PPP1R9A: variants seen among roughly 807,000 people sequenced by gnomAD.
The protein encoded by PPP1R9A is neurabin-1.
PPP1R9A carries 59 observed loss-of-function variants against 141.9 expected under a neutral mutation model. The observed-to-expected ratio is 0.42, with a 90% CI of 0.34 to 0.52. The LOEUF is 0.52. Ranked by LOEUF, PPP1R9A falls within the 20% of genes least tolerant of loss-of-function variation. PPP1R9A has a pLI of 0.10. For missense variants in PPP1R9A, 1,444 were observed against 1,611.9 expected (o/e 0.90, Z 1.78); for synonymous variants, 500 against 569.7 (o/e 0.88, Z 1.74).
chr7:95,076,765 G>C (rs1229193242), intron 2 of PPP1R9A, among the ~76,000 whole-genome samples: 3 of 151,784 alleles, frequency 2.0e-5, no homozygotes, highest in African/African-American at 7.3e-5. Flanking sequence ...TAATTCCTGA[G>C]GTAATCAGAA....
rs1806249417 is a variant in PPP1R9A at position 95,290,784 on chromosome 7, T to C, written c.*481T>C. On this transcript the variant is annotated 3_prime_UTR_variant, in exon 20 of 20. Transcript: ENST00000433360. ...TAACTTCTAGGACTGCAACACCTAC[T>C]CCAATGTGTGGGAAAGATTTGCTCT... 6.2e-6 allele frequency: 1 copy of C among 161,804 alleles called. No homozygotes were observed. The highest frequency in any genetic ancestry group is 1.4e-5 in the Non-Finnish European group (1 of 73,362). 10.0% of individuals were successfully genotyped at this position (161,804 alleles called of 1,614,324 possible). A position where few individuals can be genotyped will look rare whatever the true frequency, so the allele number is the denominator to read the frequency against.
At chr7:95,038,170 G>C (rs915063023) in intron 2 of PPP1R9A, among the ~76,000 whole-genome samples, 3 of 151,742 alleles carry the variant, frequency 2.0e-5, no homozygotes, top group Admixed American at 6.6e-5. Flanking sequence ...TGGACAAACT[G>C]AAAAACTAGT....
At chr7:95,150,662 C>G (rs935483729) in intron 4 of PPP1R9A, among the ~76,000 whole-genome samples, 3 of 152,102 alleles carry the variant, frequency 2.0e-5, no homozygotes, top group Admixed American at 2.0e-4. Context: ...AATTGATAAG[C>G]TGCACTTCTT....
chr7:95,026,960 A>T (rs1806941849), intron 2 of PPP1R9A, among the ~76,000 whole-genome samples: 1 of 152,018 alleles, frequency 6.6e-6, no homozygotes, highest in Non-Finnish European at 1.5e-5. Flanking sequence ...TCCCAGTTCG[A>T]CTTCAGACTG....
intron 7 of PPP1R9A, among the ~76,000 whole-genome samples, chr7:95,220,566 G>T (rs1794270662): frequency 6.6e-6 from 1 of 151,992 alleles, no homozygotes; most frequent in African/African-American, 2.4e-5. Flanking sequence ...GGAAAATCAG[G>T]CTCTACTGTG....
At chr7:95,061,712 G>T (rs1211139775) in intron 2 of PPP1R9A, among the ~76,000 whole-genome samples, 1 of 152,142 alleles carries the variant, frequency 6.6e-6, no homozygotes, top group East Asian at 1.9e-4. Context: ...CTCCAGCTGG[G>T]TGACAGAATG....
chr7:95,086,150 T>A (rs534576240), intron 2 of PPP1R9A, among the ~76,000 whole-genome samples: 1 of 152,106 alleles, frequency 6.6e-6, no homozygotes, highest in East Asian at 1.9e-4. Flanking sequence ...TCCTATATAC[T>A]CCACACCCAG....
chr7:95,123,564 G>A (rs1050656186), intron 4 of PPP1R9A, among the ~76,000 whole-genome samples: 2 of 152,116 alleles, frequency 1.3e-5, no homozygotes, highest in African/African-American at 4.8e-5. Context: ...CGGGAGAATC[G>A]CTTGAACCTG....
At chr7:95,274,667 T>C (rs954305641) in intron 16 of PPP1R9A, among the ~76,000 whole-genome samples, 5 of 152,220 alleles carry the variant, frequency 3.3e-5, no homozygotes, top group African/African-American at 9.7e-5. Flanking sequence ...CTGTCAACTA[T>C]GCTTAGTCTT....
chr7:95,029,079 T>G (rs1408616994), intron 2 of PPP1R9A, among the ~76,000 whole-genome samples: 1 of 152,152 alleles, frequency 6.6e-6, no homozygotes, highest in Non-Finnish European at 1.5e-5. Context: ...ATTTTTGCCT[T>G]TTGGAGTGTA....
At chr7:94,925,366 G>A (rs1314269198) in intron 2 of PPP1R9A, among the ~76,000 whole-genome samples, 6 of 152,102 alleles carry the variant, frequency 3.9e-5, no homozygotes, top group African/African-American at 9.7e-5. Flanking sequence ...AGATATCTGC[G>A]CACCATGGCC....
chr7:95,130,421 C>T (rs566373698), intron 4 of PPP1R9A, among the ~76,000 whole-genome samples: 2 of 152,270 alleles, frequency 1.3e-5, no homozygotes, highest in South Asian at 4.1e-4. Flanking sequence ...TGCCCAGATG[C>T]CCAGGCAGAA....
chr7:95,014,811 C>T (rs1400983769), intron 2 of PPP1R9A, among the ~76,000 whole-genome samples: 1 of 151,988 alleles, frequency 6.6e-6, no homozygotes, highest in African/African-American at 2.4e-5. Context: ...AGTTTCCTTT[C>T]TCATTTGCTT....
At chr7:94,996,853 A>G (rs1283462432) in intron 2 of PPP1R9A, among the ~76,000 whole-genome samples, 1 of 133,668 alleles carries the variant, frequency 7.5e-6, no homozygotes, top group African/African-American at 2.9e-5. Flanking sequence ...CCCAGGCTGG[A>G]GTGCAATGGC....
chr7:95,107,270 G>A (rs1819672431), intron 2 of PPP1R9A, among the ~76,000 whole-genome samples: 2 of 152,056 alleles, frequency 1.3e-5, no homozygotes, highest in Admixed American at 1.3e-4. Flanking sequence ...TGTTTGAGTT[G>A]ATAAAGCCCT....
chr7:94,946,687 G>A (rs1795929275), intron 2 of PPP1R9A, among the ~76,000 whole-genome samples: 1 of 152,020 alleles, frequency 6.6e-6, no homozygotes, highest in Non-Finnish European at 1.5e-5. Context: ...TGGGGATGAT[G>A]GAATACAAAG....
At chr7:94,982,045 A>G (rs1442074322) in intron 2 of PPP1R9A, among the ~76,000 whole-genome samples, 6 of 150,266 alleles carry the variant, frequency 4.0e-5, no homozygotes, top group South Asian at 4.2e-4. Flanking sequence ...TCATCGTTCA[A>G]TTCCCATCTA....
In PPP1R9A at chr7:95,290,204, A is replaced by G; in HGVS notation, c.4026A>G (p.Arg1342=). 1 of 1,613,888 alleles carries G rather than the reference A, an allele frequency of 6.2e-7. No individual in the cohort carries two copies. Among genetic ancestry groups the G allele is most frequent in the South Asian group, 1.1e-5 (1 of 91,058 alleles). ...CCCAAGAGAAAATGGAAAAACAAAG[A>G]GAAAAGCTAAGGAGAAAGGAGCAAG... The part of the protein sequence containing the change: ...RKAQEKMEKQ[R]EKLRRKEQEQ... The change falls in exon 20 of 20, where the codon AGA becomes AGG. Residue 1342 remains arginine, a synonymous_variant. Transcript: ENST00000433360.
intron 2 of PPP1R9A, chr7:95,036,022 T>C (rs973839131): frequency 1.3e-5 from 2 of 152,226 alleles, no homozygotes; most frequent in Non-Finnish European, 2.9e-5. Flanking sequence ...AGTTGTGATA[T>C]TCTGCAGTAT....
Sources: gnomAD v4.1 joint callset for allele counts (sites outside exome capture counted in the v4.1 genomes callset) on GRCh38, gnomAD v4.1.1 for gene constraint, MANE v1.5 for transcripts, NCBI Gene and HGNC (gene_info 2026-07-23, HGNC 2026-07-21) for gene names.